Variants in EIF3B observed in about 807,000 individuals in gnomAD.
EIF3B encodes the protein eukaryotic translation initiation factor 3 subunit B, also known as eukaryotic translation initiation factor 3 subunit 9.
Under a neutral mutation model 104.6 loss-of-function variants are expected in EIF3B, and 10 were observed. The observed-to-expected ratio is 0.10, with a 90% CI of 0.06 to 0.16. The LOEUF is 0.16. Ranked by LOEUF, EIF3B falls within the 10% of genes least tolerant of loss-of-function variation. The probability of loss-of-function intolerance (pLI) is 1.00; values close to 1 mark genes in which losing one functional copy is unlikely to be tolerated. For synonymous variants in EIF3B, 542 were observed against 417.2 expected (o/e 1.30, Z -3.65); for missense variants, 1,014 against 1,087.9 (o/e 0.93, Z 0.96).
chr7:2,374,652 T>C (rs368385034), intron 13 of EIF3B, 46 bp downstream of exon 13: 1 of 1,576,842 alleles, frequency 6.3e-7, no homozygotes, highest in African/African-American at 1.4e-5. Flanking sequence ...AGTAGCGCTC[T>C]GCTGTGGCAG....
At chr7:2,376,608 C>G (rs1239466520) in intron 14 of EIF3B, 1 of 240,804 alleles carries the variant, frequency 4.2e-6, no homozygotes, top group South Asian at 7.0e-5. Flanking sequence ...ACGTTTGGCA[C>G]AGGGTTCAGT....
intron 17 of EIF3B, 53 bp downstream of exon 17, chr7:2,379,295 G>T: frequency 1.3e-6 from 2 of 1,570,176 alleles, no homozygotes; most frequent in East Asian, 4.6e-5. Flanking sequence ...CTGCCCCTGG[G>T]CCCTGGTGCC....
Position 2,364,447 on chromosome 7 carries a change from C to T in EIF3B, c.1075C>T (p.Leu359=). The T allele has an allele frequency of 1.2e-6, 2 of 1,613,392 alleles. No homozygotes were observed. Among genetic ancestry groups the T allele is most frequent in the African/African-American group, 1.3e-5 (1 of 75,004 alleles). The change falls in exon 6 of 19, where the codon CTA becomes TTA. Residue 359 remains leucine (L), a synonymous_variant. Coordinates refer to ENST00000360876, the MANE Select transcript of EIF3B (RefSeq NM_001037283.2). ...TACCTTTCATCAAAGAGGCATTGCT[C>T]TATGGGGGGGAGAGAAATTCAAGCA... ...LATFHQRGIA[L]WGGEKFKQIQ...
chr7:2,374,874 G>A, intron 13 of EIF3B: 1 of 382,152 alleles, frequency 2.6e-6, no homozygotes, highest in Non-Finnish European at 4.7e-6. Context: ...GTGGTTCTCT[G>A]TGGTTAAACA....
chr7:2,356,322 C>T (rs936220450), intron 1 of EIF3B, among the ~76,000 whole-genome samples: 1 of 152,116 alleles, frequency 6.6e-6, no homozygotes, highest in Admixed American at 6.6e-5. Context: ...TTTTAAAAGG[C>T]TATCAGAGGG....
Position 2,376,978 on chromosome 7 carries a change from T to A in EIF3B, c.2057T>A (p.Phe686Tyr). 6.2e-7 allele frequency: 1 copy of A among 1,613,948 alleles called. No individual in the cohort carries two copies. The stretch of plus-strand genomic sequence containing the variant: ...GACAACGCGTACTGGCTGTGGACTT[T>A]CCAGGGACGCCTCCTGCAGAAGAAC... ...KVDNAYWLWT[F>Y]QGRLLQKNNK... is the part of the protein sequence containing the mutation. The change falls in exon 15 of 19, where the codon TTC becomes TAC. Residue 686 changes from phenylalanine to tyrosine, a missense_variant. By Grantham distance (22) the Phe-to-Tyr change is conservative. Coordinates refer to ENST00000360876, the MANE Select transcript of EIF3B (RefSeq NM_001037283.2).
chr7:2,379,301 G>C, intron 17 of EIF3B, 59 bp downstream of exon 17: 9 of 1,565,000 alleles, frequency 5.8e-6, no homozygotes, highest in Non-Finnish European at 7.8e-6. Context: ...CTGGGCCCTG[G>C]TGCCCGCGGA....
chr7:2,379,623 C>T (rs1317853339), intron 18 of EIF3B, 112 bp downstream of exon 18: 1 of 732,352 alleles, frequency 1.4e-6, no homozygotes, highest in Non-Finnish European at 2.3e-6. Context: ...GGGTGAAGCC[C>T]TAGTGTCATG....
intron 11 of EIF3B, 73 bp from the exon 12 acceptor site, chr7:2,372,600 A>G: frequency 6.5e-7 from 1 of 1,540,096 alleles, no homozygotes; most frequent in East Asian, 2.3e-5. Flanking sequence ...TTGAATAGTG[A>G]ACATTTTAAC....
At position 2,360,789 on chromosome 7, in the gene EIF3B, T is replaced by C. The variant is rs750629541; in HGVS notation, c.579T>C (p.Pro193=). Residue 193 remains proline, a synonymous_variant, in exon 2 of 19, where the codon CCT becomes CCC. Transcript: ENST00000360876. The stretch of plus-strand genomic sequence containing the variant: ...CGGTGATTGTAGTGGACAATGTCCC[T>C]CAGGTGGGACCCGACCGACTTGAGA... ...IDSVIVVDNV[P]QVGPDRLEKL... 6 of 1,613,524 alleles carry C rather than the reference T, an allele frequency of 3.7e-6. No homozygotes were observed. Among genetic ancestry groups the C allele is most frequent in the Non-Finnish European group, 1.7e-6 (2 of 1,179,498 alleles).
intron 3 of EIF3B, 74 bp from the exon 4 acceptor site, chr7:2,362,996 C>T (rs946831984): frequency 6.4e-7 from 1 of 1,555,658 alleles, no homozygotes; most frequent in Non-Finnish European, 8.9e-7. Flanking sequence ...ACAGCAGGGC[C>T]ATGCTGGAGC....
chr7:2,377,591 G>T (rs1401581602), intron 15 of EIF3B, among the ~76,000 whole-genome samples: 1 of 109,488 alleles, frequency 9.1e-6, no homozygotes, highest in African/African-American at 5.9e-5. Context: ...GACCCTGGGT[G>T]TCATGGAGGA....
chr7:2,354,885 C>T lies in EIF3B; in HGVS notation c.-37C>T. 6.9e-6 allele frequency: 8 copies of T among 1,153,716 alleles called. No homozygotes were observed. Among genetic ancestry groups the T allele is most frequent in the Non-Finnish European group, 8.5e-6 (8 of 939,450 alleles). The allele number at this position is 1,153,716 out of a possible 1,614,324, so 71.5% of individuals were successfully genotyped here. A position where few individuals can be genotyped will look rare whatever the true frequency, so the allele number is the denominator to read the frequency against. On this transcript the variant is annotated 5_prime_UTR_variant, in exon 1 of 19. Transcript: ENST00000360876. ...CGGCCTGGGAGAGTCGGAAGCGCGG[C>T]GGCCGCGGAGCCCTGCGAGTAGGCA...
chr7:2,369,255 C>T (rs1780191752), intron 9 of EIF3B, among the ~76,000 whole-genome samples: 1 of 152,216 alleles, frequency 6.6e-6, no homozygotes, highest in South Asian at 2.1e-4. Flanking sequence ...GCATTCACTC[C>T]TTGTCACAGT....
rs1327997752 is a variant in EIF3B at position 2,361,203 on chromosome 7, G to A, written c.692+301G>A. On this transcript the variant is annotated intron_variant, in intron 2 of 18. Coordinates refer to ENST00000360876, the MANE Select transcript of EIF3B (RefSeq NM_001037283.2). ...GGCCAGGAGTTGGAGGCTGCAGTGA[G>A]CTATGATAACGTAGCTGTACTCCAG... is the stretch of plus-strand genomic sequence containing the variant. Among the ~76,000 whole-genome samples the A allele has an allele frequency of 2.0e-5, 3 of 152,178 alleles. No individual in the cohort carries two copies. In the East Asian group the frequency reaches 5.8e-4, roughly 29 times the overall value.
rs550222097 is a variant in EIF3B at position 2,362,370 on chromosome 7, G to T, written c.693-275G>T. Among the ~76,000 whole-genome samples, 3 of 152,030 alleles carry T rather than the reference G, an allele frequency of 2.0e-5. No individual in the cohort carries two copies. The South Asian group carries it at 6.2e-4, about 32-fold the overall frequency. ...GATGTGTACATATCACGAAACCATC[G>T]CCACAGTCAAAATAATGGACGTTTT... On this transcript the variant is annotated intron_variant, in intron 2 of 18. Coordinates refer to ENST00000360876, the MANE Select transcript of EIF3B (RefSeq NM_001037283.2).
chr7:2,365,912 C>T (rs1438419811), intron 6 of EIF3B, among the ~76,000 whole-genome samples: 3 of 152,026 alleles, frequency 2.0e-5, no homozygotes, highest in South Asian at 2.1e-4. Flanking sequence ...TCTTAAACTC[C>T]GGACCTTGGG....
intron 2 of EIF3B, among the ~76,000 whole-genome samples, chr7:2,362,191 C>T (rs1053080200): frequency 5.9e-5 from 9 of 152,104 alleles, no homozygotes; most frequent in African/African-American, 2.2e-4. Flanking sequence ...AACTCCTGAC[C>T]TCAAGTGATC....
upstream of EIF3B, chr7:2,354,350 C>A (rs1422173781): frequency 6.6e-6 from 1 of 152,224 alleles, no homozygotes; most frequent in Non-Finnish European, 1.5e-5. Flanking sequence ...AAGTGACAGA[C>A]ACGGACAGGG....
Sources: allele counts gnomAD v4.1 joint callset (sites outside exome capture counted in the v4.1 genomes callset), GRCh38; gene constraint gnomAD v4.1.1; transcripts MANE v1.5; gene names NCBI Gene and HGNC (gene_info 2026-07-23, HGNC 2026-07-21).